The following ADAM10 variants were observed in gnomAD, a reference collection of about 807,000 sequenced individuals.
ADAM10 encodes the protein disintegrin and metalloproteinase domain-containing protein 10.
In ADAM10, 17 loss-of-function variants were observed where a neutral mutation model predicts 90.1. The observed-to-expected ratio is 0.19, with a 90% CI of 0.13 to 0.28. The LOEUF (loss-of-function observed/expected upper bound fraction) is 0.28, where lower values mean the gene tolerates loss of function less well. Ranked by LOEUF, ADAM10 falls within the 10% of genes least tolerant of loss-of-function variation. The pLI is 1.00. For missense variants in ADAM10, 610 were observed against 914.3 expected, an observed-to-expected ratio of 0.67 and a Z score of 4.29; for synonymous variants, 310 against 298.6, an observed-to-expected ratio of 1.04 and a Z score of -0.40.
intron 5 of ADAM10, among the ~76,000 whole-genome samples, chr15:58,657,214 T>C (rs1754327942): frequency 1.3e-5 from 2 of 152,208 alleles, no homozygotes; most frequent in South Asian, 2.1e-4. Context: ...CTTCTTACAC[T>C]TGAATGTTGA....
chr15:58,713,263 T>C (rs964583566), intron 2 of ADAM10, among the ~76,000 whole-genome samples: 7 of 151,938 alleles, frequency 4.6e-5, no homozygotes, highest in African/African-American at 1.7e-4. Context: ...CACCACACTT[T>C]GCTAAGTTTC....
intron 1 of ADAM10, among the ~76,000 whole-genome samples, chr15:58,721,241 G>A (rs1479863988): frequency 1.3e-5 from 2 of 152,136 alleles, no homozygotes; most frequent in Non-Finnish European, 2.9e-5. Context: ...CAAAAGACCT[G>A]AGTAATGATT....
rs531879669 is a variant in ADAM10 at position 58,608,432 on chromosome 15, A to G, written c.2025+1865T>C. Among the ~76,000 whole-genome samples the G allele has an allele frequency of 4.6e-5, 7 of 152,350 alleles. No homozygotes were observed. In the East Asian group the frequency reaches 1.4e-3, roughly 29 times the overall value. On this transcript the variant is annotated intron_variant, in intron 14 of 15. Coordinates refer to ENST00000260408, the MANE Select transcript of ADAM10 (RefSeq NM_001110.4). Reference sequence around the variant, plus strand: ...TAAGCAAATGAGACAAGTAACTTGTAAAGACCAGATGTTTATTATCTTACT... The same window carrying G: ...TAAGCAAATGAGACAAGTAACTTGTGAAGACCAGATGTTTATTATCTTACT...
At chr15:58,657,220 G>A (rs562174312) in intron 5 of ADAM10, among the ~76,000 whole-genome samples, 2 of 152,190 alleles carry the variant, frequency 1.3e-5, no homozygotes, top group South Asian at 4.1e-4. Flanking sequence ...ACACTTGAAT[G>A]TTGATATCTT....
intron 11 of ADAM10, among the ~76,000 whole-genome samples, chr15:58,615,038 G>A (rs1162989968): frequency 6.6e-6 from 1 of 152,174 alleles, no homozygotes; most frequent in Non-Finnish European, 1.5e-5. Flanking sequence ...ACTTTGGGAG[G>A]CCGAGGCAGG....
intron 14 of ADAM10, among the ~76,000 whole-genome samples, chr15:58,606,011 A>G (rs974784529): frequency 6.6e-6 from 1 of 152,196 alleles, no homozygotes; most frequent in Non-Finnish European, 1.5e-5. Flanking sequence ...GTCTCTTCAG[A>G]CATAAGATAA....
At chr15:58,679,399 T>C (rs2140751081) in intron 3 of ADAM10, 117 bp from the exon 4 acceptor site, 3 of 843,010 alleles carry the variant, frequency 3.6e-6, no homozygotes, top group South Asian at 1.6e-5. Flanking sequence ...TATATACACA[T>C]ATATATGGTT....
Position 58,658,859 on chromosome 15 carries a change from C to T in ADAM10, c.585+6238G>A, listed in dbSNP as rs569727602. ...TAAGTCTGCTTATTGATTCTAGTAACTTTTTCTAGGTATACTCTTGTATTA... is the reference window on the plus strand; with the variant it reads ...TAAGTCTGCTTATTGATTCTAGTAATTTTTTCTAGGTATACTCTTGTATTA... On this transcript the variant is annotated intron_variant, in intron 5 of 15. Transcript: ENST00000260408. Among the ~76,000 whole-genome samples the T allele has an allele frequency of 5.3e-5, 8 of 152,178 alleles. No individual in the cohort carries two copies. The South Asian group carries it at 1.7e-3, about 32-fold the overall frequency.
chr15:58,598,621 G>A (rs981462856), intron 15 of ADAM10, among the ~76,000 whole-genome samples: 3 of 152,226 alleles, frequency 2.0e-5, no homozygotes, highest in Non-Finnish European at 4.4e-5. Context: ...AGCGGCAGGA[G>A]AGGGAACTGC....
At chr15:58,659,014 C>T (rs996881343) in intron 5 of ADAM10, among the ~76,000 whole-genome samples, 2 of 152,122 alleles carry the variant, frequency 1.3e-5, no homozygotes, top group African/African-American at 4.8e-5. Context: ...TGGGCTCACA[C>T]CTGTAATCTC....
intron 4 of ADAM10, among the ~76,000 whole-genome samples, chr15:58,670,450 C>T (rs1399662619): frequency 3.3e-5 from 5 of 152,012 alleles, no homozygotes; most frequent in African/African-American, 7.2e-5. Context: ...AGAATGTTAC[C>T]TGTTGCAATT....
intron 2 of ADAM10, among the ~76,000 whole-genome samples, chr15:58,685,752 T>C (rs1259741589): frequency 2.0e-5 from 3 of 151,716 alleles, no homozygotes; most frequent in African/African-American, 4.8e-5. Flanking sequence ...GGATACCTCA[T>C]TGTATATCTT....
chr15:58,720,928 T>C (rs1257821878), intron 1 of ADAM10, among the ~76,000 whole-genome samples: 2 of 152,246 alleles, frequency 1.3e-5, no homozygotes, highest in African/African-American at 2.4e-5. Flanking sequence ...TAGCACAAGC[T>C]TGGCTTTGCA....
rs552705861 is a variant in ADAM10 at position 58,726,287 on chromosome 15, A to C, written c.56-8560T>G. Among the ~76,000 whole-genome samples the C allele has an allele frequency of 2.0e-5, 3 of 152,326 alleles. No homozygotes were observed. In the East Asian group the frequency reaches 5.8e-4, roughly 29 times the overall value. Reference sequence around the variant, plus strand: ...GGTATATCATCATAAAGCCAATAGCAGAGATAAAATTGAATCATTTTTAAA... The same window carrying C: ...GGTATATCATCATAAAGCCAATAGCCGAGATAAAATTGAATCATTTTTAAA... On this transcript the variant is annotated intron_variant, in intron 1 of 15. Transcript: ENST00000260408.
chr15:58,679,373 TAC>T, intron 3 of ADAM10, 91 bp from the exon 4 acceptor site: 1 of 1,110,370 alleles, frequency 9.0e-7, no homozygotes, highest in Non-Finnish European at 1.3e-6. Flanking sequence ...TGTATATATA[TAC>T]ACACATGCAT....
At chr15:58,661,971 A>G (rs1417831554) in intron 5 of ADAM10, among the ~76,000 whole-genome samples, 3 of 151,974 alleles carry the variant, frequency 2.0e-5, no homozygotes, top group African/African-American at 4.8e-5. Context: ...CATGTCTTTA[A>G]TTCTTTGAAC....
intron 2 of ADAM10, chr15:58,704,116 T>G (rs1216568777): frequency 6.6e-6 from 1 of 152,290 alleles, no homozygotes; most frequent in African/African-American, 2.4e-5. Flanking sequence ...TGGAGATTAA[T>G]GGGGTGACAA....
At chr15:58,688,880 A>G (rs1897691324) in intron 2 of ADAM10, among the ~76,000 whole-genome samples, 1 of 149,174 alleles carries the variant, frequency 6.7e-6, no homozygotes, top group African/African-American at 2.5e-5. Context: ...AAACTATCTA[A>G]CTTGATGTAC....
chr15:58,718,636 G>A (rs1358340910), intron 1 of ADAM10, among the ~76,000 whole-genome samples: 1 of 152,106 alleles, frequency 6.6e-6, no homozygotes, highest in African/African-American at 2.4e-5. Context: ...CAGTCTACCT[G>A]GTAAGAAAAG....
Sources: allele counts gnomAD v4.1 joint callset (sites outside exome capture counted in the v4.1 genomes callset), GRCh38; gene constraint gnomAD v4.1.1; transcripts MANE v1.5; gene names NCBI Gene and HGNC (gene_info 2026-07-23, HGNC 2026-07-21).